TENM3: variants seen among roughly 807,000 people sequenced by gnomAD.
The protein encoded by TENM3 is teneurin transmembrane protein 3, also known as teneurin-3.
In TENM3, 63 loss-of-function variants were observed where a neutral mutation model predicts 255.1. The ratio of observed to expected loss-of-function variants is 0.25; its 90% CI spans 0.20 to 0.30. The LOEUF (loss-of-function observed/expected upper bound fraction) is 0.30, where lower values mean the gene tolerates loss of function less well. TENM3 is among the 10% of genes least tolerant of loss of function. TENM3 has a pLI of 1.00. For missense variants in TENM3, 2,929 were observed against 3,461.1 expected, an observed-to-expected ratio of 0.85 and a Z score of 3.86; for synonymous variants, 1,306 against 1,322.3, an observed-to-expected ratio of 0.99 and a Z score of 0.27.
chr4:182,440,571 C>A (rs1772394362), intron 3 of TENM3, among the ~76,000 whole-genome samples: 1 of 152,144 alleles, frequency 6.6e-6, no homozygotes, highest in Non-Finnish European at 1.5e-5. Flanking sequence ...TCTCAGCTAC[C>A]TCCACCCCCA....
At chr4:182,665,971 G>A (rs552903117) in intron 6 of TENM3, among the ~76,000 whole-genome samples, 33 of 152,102 alleles carry the variant, frequency 2.2e-4, no homozygotes, top group African/African-American at 7.5e-4. Context: ...CATGGGAAGA[G>A]GTCAAAAGAC....
At chr4:182,003,351 T>TG in the TENM3 span, among the ~76,000 whole-genome samples, 1 of 152,110 alleles carries the variant, frequency 6.6e-6, no homozygotes, top group African/African-American at 2.4e-5. Context: ...TCTTTCCAAA[T>TG]GACCTGAAGT....
chr4:182,723,329 A>G (rs1010814971), intron 13 of TENM3, among the ~76,000 whole-genome samples: 3 of 152,186 alleles, frequency 2.0e-5, no homozygotes, highest in East Asian at 1.9e-4. Context: ...CAAAAGTTAC[A>G]CCTGTATACT....
chr4:182,333,533 A>T (rs1475419334), intron 2 of TENM3, among the ~76,000 whole-genome samples: 1 of 152,180 alleles, frequency 6.6e-6, no homozygotes, highest in Non-Finnish European at 1.5e-5. Context: ...TTTAGAAAGG[A>T]TTCTTTATTC....
intron 3 of TENM3, among the ~76,000 whole-genome samples, chr4:182,562,400 T>A (rs1743293439): frequency 6.6e-6 from 1 of 152,192 alleles, no homozygotes; most frequent in Non-Finnish European, 1.5e-5. Context: ...AATTATTTTT[T>A]AGGACTTCTA....
chr4:182,104,262 C>T, the TENM3 span, among the ~76,000 whole-genome samples: 1,751 of 152,182 alleles, frequency 0.012, 37 homozygotes, highest in African/African-American at 0.04. Context: ...AGTGTGTCCC[C>T]GTGGAAACCA....
At chr4:182,135,264 G>T in the TENM3 span, among the ~76,000 whole-genome samples, 1 of 150,964 alleles carries the variant, frequency 6.6e-6, no homozygotes, top group Non-Finnish European at 1.5e-5. Context: ...TTAGGCAAGA[G>T]GATAGCTTTA....
intron 1 of TENM3, among the ~76,000 whole-genome samples, chr4:182,298,563 T>C (rs1193597346): frequency 6.6e-6 from 1 of 152,156 alleles, no homozygotes; most frequent in East Asian, 1.9e-4. Context: ...AAGTGCAGTC[T>C]TGGAATTAAA....
chr4:181,872,554 T>A, the TENM3 span, among the ~76,000 whole-genome samples: 1 of 152,198 alleles, frequency 6.6e-6, no homozygotes, highest in African/African-American at 2.4e-5. Flanking sequence ...TTCAATATAC[T>A]TATTTCATTT....
the TENM3 span, among the ~76,000 whole-genome samples, chr4:181,499,158 T>C: frequency 6.6e-6 from 1 of 152,188 alleles, no homozygotes; most frequent in Non-Finnish European, 1.5e-5. Flanking sequence ...TCTAACTCCA[T>C]GATTCTATTG....
At chr4:181,823,884 C>T in the TENM3 span, among the ~76,000 whole-genome samples, 1 of 152,076 alleles carries the variant, frequency 6.6e-6, no homozygotes, top group African/African-American at 2.4e-5. Flanking sequence ...CTTTGGCTCA[C>T]TAAATGGCAG....
At chr4:182,637,382 G>T (rs1289933789) in intron 5 of TENM3, among the ~76,000 whole-genome samples, 4 of 152,128 alleles carry the variant, frequency 2.6e-5, no homozygotes, top group Admixed American at 6.5e-5. Context: ...AAAGCCAGAC[G>T]TGGTGGCAAG....
intron 22 of TENM3, among the ~76,000 whole-genome samples, chr4:182,769,834 G>A (rs1228292189): frequency 6.6e-6 from 1 of 151,976 alleles, no homozygotes; most frequent in Non-Finnish European, 1.5e-5. Flanking sequence ...GCCGGGCGTG[G>A]TGGCTCACTC....
chr4:182,075,210 T>TTTTC, the TENM3 span, among the ~76,000 whole-genome samples: 1 of 148,548 alleles, frequency 6.7e-6, no homozygotes, highest in African/African-American at 2.5e-5. Flanking sequence ...CTTTTTTTTT[T>TTTTC]TTTTTTGAGA....
At chr4:182,302,457 C>T (rs983677227) in intron 1 of TENM3, among the ~76,000 whole-genome samples, 1 of 152,146 alleles carries the variant, frequency 6.6e-6, no homozygotes, top group Non-Finnish European at 1.5e-5. Flanking sequence ...GACGGATCTA[C>T]TTCGCTGAGA....
At chr4:182,101,224 AAGGGAGGG>A in the TENM3 span, among the ~76,000 whole-genome samples, 3 of 5,544 alleles carry the variant, frequency 5.4e-4, 1 homozygote, top group South Asian at 8.2e-3. Flanking sequence ...GGAAGGAAAG[AAGGGAGGG>A]AGGAAGGAAA....
At chr4:181,927,344 C>T in the TENM3 span, among the ~76,000 whole-genome samples, 4 of 152,306 alleles carry the variant, frequency 2.6e-5, no homozygotes, top group Admixed American at 6.5e-5. Context: ...GAGGGAGCGG[C>T]GTTTGCCATT....
At chr4:182,602,051 T>C (rs1747937505) in intron 4 of TENM3, among the ~76,000 whole-genome samples, 1 of 152,254 alleles carries the variant, frequency 6.6e-6, no homozygotes, top group Non-Finnish European at 1.5e-5. Context: ...AGCTAATCCA[T>C]TTCATTATTC....
intron 3 of TENM3, among the ~76,000 whole-genome samples, chr4:182,513,248 A>T (rs1422220664): frequency 1.3e-5 from 2 of 152,200 alleles, no homozygotes; most frequent in African/African-American, 2.4e-5. Context: ...CCATATTCGT[A>T]CGGTGAAAGT....
Sources: allele counts gnomAD v4.1 joint callset (sites outside exome capture counted in the v4.1 genomes callset), GRCh38; gene constraint gnomAD v4.1.1; transcripts MANE v1.5; gene names NCBI Gene and HGNC (gene_info 2026-07-23, HGNC 2026-07-21).